The following MAML2 variants were observed in gnomAD, a reference collection of about 807,000 sequenced individuals.
MAML2 encodes the protein mastermind-like protein 2.
Under a neutral mutation model 96.1 loss-of-function variants are expected in MAML2, and 22 were observed. The observed-to-expected ratio is 0.23, with a 90% CI of 0.16 to 0.33. MAML2 has a LOEUF of 0.33. Among genes scored for constraint, MAML2 ranks in the 10% least tolerant of loss-of-function variants. The probability of loss-of-function intolerance (pLI) is 1.00; values close to 1 mark genes in which losing one functional copy is unlikely to be tolerated. For synonymous variants in MAML2, 561 were observed against 521.3 expected (o/e 1.08, Z -1.04); for missense variants, 1,367 against 1,392.4 (o/e 0.98, Z 0.29).
At chr11:96,240,842 GC>G (rs1314860931) in intron 1 of MAML2, among the ~76,000 whole-genome samples, 7 of 152,100 alleles carry the variant, frequency 4.6e-5, no homozygotes, top group Non-Finnish European at 8.8e-5. Context: ...CATTTCAGAA[GC>G]ATATACTATA....
At chr11:96,022,931 T>C (rs1404131421) in intron 2 of MAML2, among the ~76,000 whole-genome samples, 1 of 152,216 alleles carries the variant, frequency 6.6e-6, no homozygotes, top group Non-Finnish European at 1.5e-5. Context: ...CCAGTGATGA[T>C]GGTATCTTTG....
chr11:96,264,465 C>T (rs185320410), intron 1 of MAML2, among the ~76,000 whole-genome samples: 83 of 152,292 alleles, frequency 5.5e-4, no homozygotes, highest in Middle Eastern at 3.4e-3. Context: ...ATATGTTTTA[C>T]GGCTGGACTT....
chr11:96,260,946 G>A (rs1862741122), intron 1 of MAML2, among the ~76,000 whole-genome samples: 1 of 152,106 alleles, frequency 6.6e-6, no homozygotes, highest in African/African-American at 2.4e-5. Context: ...ATATTCTTCT[G>A]AAGGTAAAAC....
chr11:96,057,006 G>A (rs1431976972), intron 2 of MAML2, among the ~76,000 whole-genome samples: 1 of 152,192 alleles, frequency 6.6e-6, no homozygotes, highest in Non-Finnish European at 1.5e-5. Context: ...GACTTTCAAT[G>A]ATCTAGTTTC....
chr11:96,232,254 G>A (rs370646431), intron 1 of MAML2, among the ~76,000 whole-genome samples: 16 of 152,204 alleles, frequency 1.1e-4, no homozygotes, highest in East Asian at 7.7e-4. Flanking sequence ...GATTATGTGC[G>A]TAACACTATG....
chr11:96,068,648 G>A (rs1430924464), intron 2 of MAML2, among the ~76,000 whole-genome samples: 4 of 152,030 alleles, frequency 2.6e-5, no homozygotes, highest in Non-Finnish European at 4.4e-5. Context: ...CTAACACGGT[G>A]AAACCCCGTG....
chr11:96,091,796 G>T, intron 2 of MAML2, 96 bp downstream of exon 2: 1 of 1,479,332 alleles, frequency 6.8e-7, no homozygotes, highest in Non-Finnish European at 9.0e-7. Flanking sequence ...CTTTGGTCTT[G>T]ATCTTGTCCC....
chr11:95,997,897 T>A (rs1406898080), intron 2 of MAML2, among the ~76,000 whole-genome samples: 2 of 152,124 alleles, frequency 1.3e-5, no homozygotes, highest in Non-Finnish European at 2.9e-5. Context: ...TTTAAAATTA[T>A]CTCAAATCAG....
chr11:96,041,791 G>A (rs1858814930), intron 2 of MAML2, among the ~76,000 whole-genome samples: 1 of 151,534 alleles, frequency 6.6e-6, no homozygotes, highest in Admixed American at 6.6e-5. Flanking sequence ...TTGTCTGCCT[G>A]GATCTAGCCC....
In MAML2 at chr11:95,979,286, T is replaced by G; in HGVS notation, c.3133A>C (p.Arg1045=). Residue 1045 remains arginine (R), a synonymous_variant, in exon 5 of 5, where the codon AGG becomes CGG. Coordinates refer to ENST00000524717, the MANE Select transcript of MAML2 (RefSeq NM_032427.4). ...TGATTGGGTCTGAGATTCAGACCCC[T>G]GAGGGGACCCATGGTTTGCCCATTT... ...TLNGQTMGPL[R]GLNLRPNQLS... 6.2e-7 allele frequency: 1 copy of G among 1,613,976 alleles called. No individual in the cohort carries two copies. The highest frequency in any genetic ancestry group is 1.6e-4 in the Middle Eastern group (1 of 6,062).
intron 1 of MAML2, among the ~76,000 whole-genome samples, chr11:96,104,329 T>A (rs551438779): frequency 2.0e-5 from 3 of 152,228 alleles, no homozygotes; most frequent in Non-Finnish European, 4.4e-5. Flanking sequence ...CACGTCGAGA[T>A]GCCGAAGTAC....
At chr11:96,054,384 T>G (rs1483398218) in intron 2 of MAML2, among the ~76,000 whole-genome samples, 1 of 150,214 alleles carries the variant, frequency 6.7e-6, no homozygotes, top group East Asian at 2.1e-4. Context: ...AACAACCTGT[T>G]CTGATAGTTA....
At chr11:96,264,071 C>G (rs1269165906) in intron 1 of MAML2, among the ~76,000 whole-genome samples, 1 of 152,184 alleles carries the variant, frequency 6.6e-6, no homozygotes, top group African/African-American at 2.4e-5. Context: ...CAAGTATGGA[C>G]TAGAGTGCCA....
At chr11:96,138,068 G>A (rs1048706221) in intron 1 of MAML2, among the ~76,000 whole-genome samples, 2 of 152,086 alleles carry the variant, frequency 1.3e-5, no homozygotes, top group African/African-American at 4.8e-5. Flanking sequence ...CGTTATTAGG[G>A]CCAAAAGAAG....
At chr11:96,243,655 C>CTTTT (rs11394033) in intron 1 of MAML2, among the ~76,000 whole-genome samples, 1 of 135,710 alleles carries the variant, frequency 7.4e-6, no homozygotes, top group Non-Finnish European at 1.6e-5. Context: ...CCTTCTTTTT[C>CTTTT]TTTTTTTTTT....
intron 1 of MAML2, among the ~76,000 whole-genome samples, chr11:96,130,867 A>G (rs1860537887): frequency 6.6e-6 from 1 of 151,998 alleles, no homozygotes; most frequent in Admixed American, 6.6e-5. Context: ...GTCCTACACC[A>G]ATTGTCTAGG....
At position 96,217,610 on chromosome 11, in the gene MAML2, T is replaced by G. The variant is rs189247961; in HGVS notation, c.513+123773A>C. ...CTCTCTTTTTGACAGTAGAAAAGAA[T>G]AAGACAGGACAGAGAAGCTTGTAGG... On this transcript the variant is annotated intron_variant, in intron 1 of 4. Transcript: ENST00000524717. Among the ~76,000 whole-genome samples, 167 of 152,338 alleles carry G rather than the reference T, an allele frequency of 1.1e-3. 1 individual carries two copies. The highest frequency in any genetic ancestry group is 3.8e-3 in the African/African-American group (160 of 41,584).
chr11:96,055,362 T>G (rs937711523), intron 2 of MAML2, among the ~76,000 whole-genome samples: 2 of 152,116 alleles, frequency 1.3e-5, no homozygotes, highest in Non-Finnish European at 2.9e-5. Flanking sequence ...AAGAGCTTAG[T>G]ATTAATGGCA....
intron 1 of MAML2, among the ~76,000 whole-genome samples, chr11:96,287,304 A>T (rs561007307): frequency 2.6e-5 from 4 of 152,324 alleles, no homozygotes; most frequent in African/African-American, 9.6e-5. Flanking sequence ...TCCCAAAGAG[A>T]AGCTGATGGT....
Sources: gnomAD v4.1 joint callset for allele counts (sites outside exome capture counted in the v4.1 genomes callset) on GRCh38, gnomAD v4.1.1 for gene constraint, MANE v1.5 for transcripts, NCBI Gene and HGNC (gene_info 2026-07-23, HGNC 2026-07-21) for gene names.